Variants in MYO5B observed in about 807,000 individuals in gnomAD.
The protein encoded by MYO5B is myosin VB, also known as unconventional myosin-Vb.
In MYO5B, 143 loss-of-function variants were observed where a neutral mutation model predicts 229.3. The observed-to-expected ratio is 0.62, with a 90% CI of 0.54 to 0.72. The LOEUF (loss-of-function observed/expected upper bound fraction) is 0.72. Among genes scored for constraint, MYO5B ranks in the 30% least tolerant of loss-of-function variants. The pLI is 0.00. For synonymous variants in MYO5B, 918 were observed against 885.2 expected (o/e 1.04, Z -0.66); for missense variants, 2,321 against 2,331.0 (o/e 1.00, Z 0.09).
At chr18:50,125,439 G>A (rs912759292) in intron 1 of MYO5B, among the ~76,000 whole-genome samples, 6 of 151,794 alleles carry the variant, frequency 4.0e-5, no homozygotes, top group Non-Finnish European at 8.8e-5. Context: ...GTTAATGGGT[G>A]CAGCACACCA....
intron 5 of MYO5B, among the ~76,000 whole-genome samples, chr18:49,996,434 A>G (rs2025987891): frequency 6.6e-6 from 1 of 152,234 alleles, no homozygotes; most frequent in South Asian, 2.1e-4. Flanking sequence ...TAGGGAAAAC[A>G]TAAATAAAAT....
intron 1 of MYO5B, among the ~76,000 whole-genome samples, chr18:50,113,757 C>T (rs996003057): frequency 6.6e-6 from 1 of 152,194 alleles, no homozygotes; most frequent in East Asian, 1.9e-4. Flanking sequence ...CTTACCCACT[C>T]CCCTTTCTGG....
chr18:50,185,405 T>C (rs1012107115), intron 1 of MYO5B, among the ~76,000 whole-genome samples: 2 of 152,168 alleles, frequency 1.3e-5, no homozygotes, highest in African/African-American at 4.8e-5. Flanking sequence ...ACTATAAATG[T>C]GCATGCCAGC....
At chr18:49,826,717 A>G (rs2023851412) in intron 39 of MYO5B, 94 bp from the exon 40 acceptor site, 4 of 1,429,750 alleles carry the variant, frequency 2.8e-6, no homozygotes, top group South Asian at 2.3e-5. Flanking sequence ...TATATCATGG[A>G]AAGATTTCTA....
intron 1 of MYO5B, among the ~76,000 whole-genome samples, chr18:50,188,816 A>AAAAAAAC (rs1568138517): frequency 1.4e-5 from 2 of 141,214 alleles, no homozygotes; most frequent in African/African-American, 5.3e-5. Flanking sequence ...AAAAAAAAAA[A>AAAAAAAC]ACACACACAC....
chr18:50,112,301 A>G (rs997580609), intron 1 of MYO5B, among the ~76,000 whole-genome samples: 2 of 152,334 alleles, frequency 1.3e-5, no homozygotes, highest in African/African-American at 4.8e-5. Flanking sequence ...CAACTGCATC[A>G]CGGCTCCAAG....
At chr18:49,995,494 C>T (rs557450055) in intron 5 of MYO5B, among the ~76,000 whole-genome samples, 2 of 151,922 alleles carry the variant, frequency 1.3e-5, no homozygotes, top group East Asian at 1.9e-4. Flanking sequence ...CTCCTGACCT[C>T]GTGACCCACC....
chr18:50,034,076 G>T (rs2026421162), intron 4 of MYO5B, among the ~76,000 whole-genome samples: 1 of 152,220 alleles, frequency 6.6e-6, no homozygotes, highest in Non-Finnish European at 1.5e-5. Context: ...AAGGCCACCT[G>T]AGTTGTAGTC....
chr18:50,065,870 G>C (rs1331823339), intron 1 of MYO5B, among the ~76,000 whole-genome samples: 9 of 152,132 alleles, frequency 5.9e-5, no homozygotes, highest in Admixed American at 5.9e-4. Context: ...TGTGGAAGGA[G>C]GTGGTTTCCA....
chr18:50,051,196 T>C (rs1443813860), intron 2 of MYO5B, among the ~76,000 whole-genome samples: 1 of 152,206 alleles, frequency 6.6e-6, no homozygotes, highest in Non-Finnish European at 1.5e-5. Flanking sequence ...AATAATTTGA[T>C]AAAATATACT....
At chr18:50,048,568 G>C (rs2144406048) in intron 2 of MYO5B, among the ~76,000 whole-genome samples, 1 of 152,238 alleles carries the variant, frequency 6.6e-6, no homozygotes, top group Middle Eastern at 3.4e-3. Flanking sequence ...ATCAACATCA[G>C]TTCTACTTAG....
At chr18:49,869,304 C>A (rs1216837244) in intron 27 of MYO5B, among the ~76,000 whole-genome samples, 1 of 152,152 alleles carries the variant, frequency 6.6e-6, no homozygotes, top group African/African-American at 2.4e-5. Context: ...ATAAAGTCCC[C>A]TGAATGTCTG....
At chr18:49,877,699 C>T (rs1394586878) in intron 25 of MYO5B, 64 bp downstream of exon 25, 29 of 1,608,890 alleles carry the variant, frequency 1.8e-5, no homozygotes, top group Non-Finnish European at 2.1e-5. Context: ...TGGACAGTTC[C>T]ACACAGAAAA....
At chr18:50,001,989 T>G (rs1052907513) in intron 4 of MYO5B, among the ~76,000 whole-genome samples, 2 of 144,402 alleles carry the variant, frequency 1.4e-5, no homozygotes, top group African/African-American at 5.2e-5. Flanking sequence ...TGAGCCGAGA[T>G]CGTGCCACTG....
At chr18:49,845,192 T>G (rs1387145679) in intron 33 of MYO5B, among the ~76,000 whole-genome samples, 1 of 152,222 alleles carries the variant, frequency 6.6e-6, no homozygotes, top group Non-Finnish European at 1.5e-5. Context: ...GGTTTGTTCC[T>G]AATTGCATTT....
At chr18:50,125,199 T>G (rs2032139070) in intron 1 of MYO5B, among the ~76,000 whole-genome samples, 1 of 152,066 alleles carries the variant, frequency 6.6e-6, no homozygotes, top group African/African-American at 2.4e-5. Context: ...AATATCAAAC[T>G]GAACAATGAA....
At position 49,924,378 on chromosome 18, in the gene MYO5B, GATAGGGAAACCT is replaced by G. The variant is rs1167985965; in HGVS notation, c.2090+5122_2090+5133del. Among the ~76,000 whole-genome samples, 17 of 152,286 alleles carry G rather than the reference GATAGGGAAACCT, an allele frequency of 1.1e-4. No individual in the cohort carries two copies. The East Asian group carries it at 1.7e-3, about 16-fold the overall frequency. On this transcript the variant is annotated intron_variant, in intron 17 of 39. Transcript: ENST00000285039. ...AGTGAGTATGATCATTCTTTTTAAG[GATAGGGAAACCT>G]AGGCTCATTGAGATTAATTTACTTC...
At chr18:49,942,208 A>T (rs1491001284) in intron 14 of MYO5B, among the ~76,000 whole-genome samples, 1 of 151,418 alleles carries the variant, frequency 6.6e-6, no homozygotes, top group Non-Finnish European at 1.5e-5. Context: ...AAAGACTTAA[A>T]TGTTAGACCT....
At chr18:50,082,801 A>T (rs920970010) in intron 1 of MYO5B, among the ~76,000 whole-genome samples, 2 of 152,232 alleles carry the variant, frequency 1.3e-5, no homozygotes, top group African/African-American at 4.8e-5. Flanking sequence ...CAGTTTAGGC[A>T]AAGAACTGTT....
Sources: gnomAD v4.1 joint callset for allele counts (sites outside exome capture counted in the v4.1 genomes callset) on GRCh38, gnomAD v4.1.1 for gene constraint, MANE v1.5 for transcripts, NCBI Gene and HGNC (gene_info 2026-07-23, HGNC 2026-07-21) for gene names.